The following PCDH9 variants were observed in gnomAD, a reference collection of about 807,000 sequenced individuals.
PCDH9 encodes protocadherin 9.
PCDH9 carries 24 observed loss-of-function variants against 70.6 expected under a neutral mutation model. That is an observed-to-expected ratio of 0.34 (90% CI 0.25 to 0.48). The LOEUF (loss-of-function observed/expected upper bound fraction) is 0.48, where lower values mean the gene tolerates loss of function less well. PCDH9 is among the 20% of genes least tolerant of loss of function. The probability of loss-of-function intolerance (pLI) is 0.99; values close to 1 mark genes in which losing one functional copy is unlikely to be tolerated. For synonymous variants in PCDH9, 562 were observed against 558.5 expected, an observed-to-expected ratio of 1.01 and a Z score of -0.09; for missense variants, 1,281 against 1,503.6, an observed-to-expected ratio of 0.85 and a Z score of 2.45.
At chr13:67,074,030 T>TTCTATCTATCTA (rs35805308) in intron 2 of PCDH9, among the ~76,000 whole-genome samples, 36 of 149,024 alleles carry the variant, frequency 2.4e-4, no homozygotes, top group African/African-American at 7.7e-4. Flanking sequence ...TGAGATGAAA[T>TTCTATCTATCTA]TCTATCTATC....
chr13:66,705,998 T>G (rs1269312322), intron 3 of PCDH9, among the ~76,000 whole-genome samples: 1 of 152,208 alleles, frequency 6.6e-6, no homozygotes, highest in Admixed American at 6.5e-5. Context: ...TCAAGTGGCT[T>G]TAATGAAATA....
intron 2 of PCDH9, among the ~76,000 whole-genome samples, chr13:66,983,116 A>T (rs2139777786): frequency 6.6e-6 from 1 of 152,322 alleles, no homozygotes; most frequent in East Asian, 1.9e-4. Flanking sequence ...AATGGATGCT[A>T]AGCTTAATAC....
intron 2 of PCDH9, among the ~76,000 whole-genome samples, chr13:67,046,887 C>G (rs1347149573): frequency 1.3e-5 from 2 of 151,952 alleles, no homozygotes; most frequent in African/African-American, 4.8e-5. Context: ...TTTCTAAGCA[C>G]CTAATATGTC....
At chr13:66,862,078 C>T (rs538965724) in intron 3 of PCDH9, among the ~76,000 whole-genome samples, 1 of 152,284 alleles carries the variant, frequency 6.6e-6, no homozygotes, top group East Asian at 1.9e-4. Context: ...AATATGCCAT[C>T]ATTAGTCATA....
chr13:66,674,928 T>A (rs2139046092), intron 3 of PCDH9, among the ~76,000 whole-genome samples: 1 of 152,268 alleles, frequency 6.6e-6, no homozygotes, highest in Admixed American at 6.5e-5. Context: ...TAAATTACTT[T>A]TCTAGAAACA....
intron 3 of PCDH9, among the ~76,000 whole-genome samples, chr13:66,878,828 AG>A (rs1386855643): frequency 6.6e-6 from 1 of 152,214 alleles, no homozygotes; most frequent in Non-Finnish European, 1.5e-5. Context: ...AGAGATCAGA[AG>A]GTAAAGGATG....
rs547982173 is a variant in PCDH9, at chr13:66,623,129, A to G, written c.3340+8081T>C. Among the ~76,000 whole-genome samples the G allele has an allele frequency of 2.6e-4, 39 of 152,196 alleles. No individual in the cohort carries two copies. In the South Asian group the frequency reaches 7.9e-3, roughly 31 times the overall value. On this transcript the variant is annotated intron_variant, in intron 4 of 4. Transcript: ENST00000377865. ...ACACGCCGCCTTTAAGAACTGTAAC[A>G]CTCACCGCGAGGGTCCGCGGCTTCA... is the stretch of plus-strand genomic sequence containing the variant.
chr13:66,424,935 A>G (rs916310124), intron 4 of PCDH9, among the ~76,000 whole-genome samples: 1 of 151,900 alleles, frequency 6.6e-6, no homozygotes, highest in South Asian at 2.1e-4. Flanking sequence ...GAGCTTCACC[A>G]GTGATACCTG....
At chr13:66,544,464 G>T (rs1296739095) in intron 4 of PCDH9, among the ~76,000 whole-genome samples, 1 of 152,134 alleles carries the variant, frequency 6.6e-6, no homozygotes. Context: ...TGGAGCTTAG[G>T]CCTTGAGGGT....
At chr13:66,424,508 T>G in intron 4 of PCDH9, among the ~76,000 whole-genome samples, 1 of 151,950 alleles carries the variant, frequency 6.6e-6, no homozygotes, top group East Asian at 1.9e-4. Flanking sequence ...TCTTTAACCC[T>G]AAAACTTCAT....
At chr13:67,199,383 C>G (rs974982620) in intron 2 of PCDH9, among the ~76,000 whole-genome samples, 2 of 151,748 alleles carry the variant, frequency 1.3e-5, no homozygotes, top group Admixed American at 1.3e-4. Flanking sequence ...ATTCTTCTCA[C>G]TTAAAAATCA....
chr13:66,886,460 TCTAAGTGG>T (rs1182327629), intron 3 of PCDH9, among the ~76,000 whole-genome samples: 1 of 152,140 alleles, frequency 6.6e-6, no homozygotes, highest in Non-Finnish European at 1.5e-5. Flanking sequence ...GGAACTTGAT[TCTAAGTGG>T]CTTTGAAAAG....
chr13:66,704,304 G>C (rs890786900), intron 3 of PCDH9, among the ~76,000 whole-genome samples: 4 of 152,130 alleles, frequency 2.6e-5, no homozygotes, highest in Admixed American at 1.3e-4. Flanking sequence ...TTTCACTTCA[G>C]TTAAAGCAGA....
At chr13:67,140,255 A>T (rs2087348640) in intron 2 of PCDH9, among the ~76,000 whole-genome samples, 1 of 152,126 alleles carries the variant, frequency 6.6e-6, no homozygotes, top group Non-Finnish European at 1.5e-5. Context: ...ATTAATTATG[A>T]TGGCTACAGG....
intron 2 of PCDH9, among the ~76,000 whole-genome samples, chr13:66,974,516 G>A (rs1289518552): frequency 1.3e-5 from 2 of 151,978 alleles, no homozygotes; most frequent in African/African-American, 2.4e-5. Flanking sequence ...TTATAGCCCA[G>A]AGTTGAGGGG....
chr13:67,067,654 A>G (rs545587358), intron 2 of PCDH9, among the ~76,000 whole-genome samples: 45 of 151,938 alleles, frequency 3.0e-4, no homozygotes, highest in African/African-American at 1.0e-3. Flanking sequence ...AAACAAAACA[A>G]CAATAAAATA....
intron 2 of PCDH9, among the ~76,000 whole-genome samples, chr13:67,176,574 T>C (rs1294824857): frequency 6.6e-6 from 1 of 151,886 alleles, no homozygotes; most frequent in Admixed American, 6.6e-5. Flanking sequence ...TATTTAGAAA[T>C]GCTTCAGCTA....
chr13:66,455,243 T>C (rs1015506904), intron 4 of PCDH9, among the ~76,000 whole-genome samples: 2 of 151,572 alleles, frequency 1.3e-5, no homozygotes, highest in Non-Finnish European at 2.9e-5. Flanking sequence ...CTAATAAATA[T>C]TGACCATATA....
intron 4 of PCDH9, among the ~76,000 whole-genome samples, chr13:66,409,147 C>T (rs1325061060): frequency 6.6e-6 from 1 of 151,534 alleles, no homozygotes; most frequent in Non-Finnish European, 1.5e-5. Context: ...TCCATACAGA[C>T]TTTGAGAAAT....
Sources: allele counts gnomAD v4.1 joint callset (sites outside exome capture counted in the v4.1 genomes callset), GRCh38; gene constraint gnomAD v4.1.1; transcripts MANE v1.5; gene names NCBI Gene and HGNC (gene_info 2026-07-23, HGNC 2026-07-21).